Variants in SLC3A2 observed in about 807,000 individuals in gnomAD.
SLC3A2 encodes amino acid transporter heavy chain SLC3A2.
In SLC3A2, 32 loss-of-function variants were observed where a neutral mutation model predicts 48.5. That is an observed-to-expected ratio of 0.66 (90% CI 0.50 to 0.89). SLC3A2 has a LOEUF of 0.89. Among genes scored for constraint, SLC3A2 ranks in the 40% least tolerant of loss-of-function variants. The pLI, the probability that SLC3A2 is intolerant of heterozygous loss-of-function variation, is 0.00. For missense variants in SLC3A2, 587 were observed against 680.7 expected (o/e 0.86, Z 1.53); for synonymous variants, 277 against 288.8 (o/e 0.96, Z 0.41).
chr11:62,878,198 C>T (rs1185764399), upstream of SLC3A2, among the ~76,000 whole-genome samples: 2 of 151,918 alleles, frequency 1.3e-5, no homozygotes, highest in Non-Finnish European at 2.9e-5. Flanking sequence ...TTGACTTCAG[C>T]CATTTGGAGC....
upstream of SLC3A2, chr11:62,880,617 A>G (rs963666895): frequency 9.4e-5 from 16 of 170,382 alleles, no homozygotes; most frequent in Non-Finnish European, 6.3e-5. Flanking sequence ...CCTAAAGGAC[A>G]CTGGAGGGGC....
At chr11:62,874,997 A>G (rs2085556584) in intron 1 of SLC3A2, among the ~76,000 whole-genome samples, 1 of 152,142 alleles carries the variant, frequency 6.6e-6, no homozygotes, top group Non-Finnish European at 1.5e-5. Context: ...TCCTGACTTC[A>G]AATGATCTGC....
chr11:62,880,830 A>T (rs1279310823), upstream of SLC3A2: 1 of 1,259,308 alleles, frequency 7.9e-7, no homozygotes, highest in Non-Finnish European at 1.1e-6. Flanking sequence ...CCGAGGTTCC[A>T]CCTTAAGGGG....
chr11:62,866,357 A>G (rs767600545), intron 1 of SLC3A2, among the ~76,000 whole-genome samples: 1 of 151,444 alleles, frequency 6.6e-6, no homozygotes, highest in Non-Finnish European at 1.5e-5. Context: ...ACCTCAGGTG[A>G]TCCATCCTGA....
intron 1 of SLC3A2, among the ~76,000 whole-genome samples, chr11:62,861,561 C>A (rs1429771071): frequency 1.3e-5 from 2 of 152,188 alleles, no homozygotes; most frequent in Non-Finnish European, 1.5e-5. Context: ...GGCTTCCTGG[C>A]TCTGGCTTCT....
intron 3 of SLC3A2, chr11:62,884,229 G>A (rs1319395577): frequency 3.3e-6 from 2 of 604,184 alleles, no homozygotes; most frequent in Non-Finnish European, 5.9e-6. Context: ...CCAGAGGCAA[G>A]AATGAGAAGT....
In SLC3A2 at chr11:62,857,270, C is replaced by T. The variant is rs528523183; in HGVS notation, c.112+889C>T. ...CTGAGTAGCTGGGATTACAGGCTCC[C>T]GCCATCATCATGCCACACTAATTTT... On this transcript the variant is annotated intron_variant, in intron 1 of 9. Transcript: ENST00000377889. Among the ~76,000 whole-genome samples, 8 of 152,268 alleles carry T rather than the reference C, an allele frequency of 5.3e-5. No individual in the cohort carries two copies. In the South Asian group the frequency reaches 6.2e-4, roughly 12 times the overall value.
chr11:62,859,414 C>G (rs1162245690), intron 1 of SLC3A2, among the ~76,000 whole-genome samples: 1 of 152,146 alleles, frequency 6.6e-6, no homozygotes, highest in East Asian at 1.9e-4. Flanking sequence ...AATGGAGTCT[C>G]CCATGTCTAT....
chr11:62,882,306 A>G, intron 2 of SLC3A2: 1 of 499,740 alleles, frequency 2.0e-6, no homozygotes, highest in Admixed American at 3.4e-5. Context: ...CTTATTTGCA[A>G]AATATAGATA....
chr11:62,870,838 G>GTAATAA (rs57671523), intron 1 of SLC3A2: 1,890 of 173,140 alleles, frequency 0.011, 75 homozygotes, highest in Middle Eastern at 0.015. Flanking sequence ...GAGATGATAG[G>GTAATAA]TAATAATAAT....
intron 1 of SLC3A2, among the ~76,000 whole-genome samples, chr11:62,867,928 A>T (rs905626321): frequency 2.3e-4 from 34 of 147,398 alleles, no homozygotes; most frequent in African/African-American, 4.9e-4. Flanking sequence ...TTCAAAAAAA[A>T]TTTTTTTTTT....
intron 1 of SLC3A2, among the ~76,000 whole-genome samples, chr11:62,871,342 A>G (rs988626263): frequency 1.4e-5 from 2 of 145,298 alleles, no homozygotes; most frequent in Non-Finnish European, 3.0e-5. Flanking sequence ...AGGTTCAAGC[A>G]ATTCTCCTGC....
In SLC3A2 at chr11:62,882,537, T is replaced by C. The variant is rs1341886554; in HGVS notation, c.599-371T>C. 1.5e-5 allele frequency: 4 copies of C among 268,390 alleles called. No individual in the cohort carries two copies. The East Asian group carries it at 3.7e-4, about 25-fold the overall frequency. The allele number at this position is 268,390 out of a possible 1,614,324, so 16.6% of individuals were successfully genotyped here. ...CTCACTCTTGTCACCCAGGCTGCAG[T>C]GCAGTGGAACGATCTCAGCTTACTG... On this transcript the variant is annotated intron_variant, in intron 2 of 8. Coordinates refer to ENST00000338663, the MANE Select transcript of SLC3A2 (RefSeq NM_001013251.3).
chr11:62,884,467 A>G lies in SLC3A2; in HGVS notation c.701A>G (p.Glu234Gly), dbSNP rs1362863590. The change falls in exon 4 of 9, where the codon GAG becomes GGG. Residue 234 changes from glutamate to glycine, a missense_variant. Around this residue, in one of 3 missense-constraint regions of SLC3A2, gnomAD observed 409 missense variants for 446.7 expected, o/e 0.92. Transcript: ENST00000338663. Reference sequence around the variant, plus strand: ...TTCTGCCCCCTATAGGATGCTCTGGAGTTTTGGCTGCAAGCTGGCGTGGAT... The same window carrying G: ...TTCTGCCCCCTATAGGATGCTCTGGGGTTTTGGCTGCAAGCTGGCGTGGAT... ...TVATKVKDAL[E>G]FWLQAGVDGF... 2 of 1,614,088 alleles carry G rather than the reference A, an allele frequency of 1.2e-6. No individual in the cohort carries two copies. The highest frequency in any genetic ancestry group is 8.5e-7 in the Non-Finnish European group (1 of 1,180,020).
chr11:62,858,312 C>T (rs1332121142), intron 1 of SLC3A2, among the ~76,000 whole-genome samples: 1 of 152,178 alleles, frequency 6.6e-6, no homozygotes, highest in Non-Finnish European at 1.5e-5. Context: ...TTTCACAGCT[C>T]CAGCTGATTG....
At chr11:62,882,801 G>C (rs2085659504) in intron 2 of SLC3A2, 107 bp from the exon 3 acceptor site, 4 of 957,834 alleles carry the variant, frequency 4.2e-6, no homozygotes, top group Non-Finnish European at 6.7e-6. Context: ...TCAAGCTTTT[G>C]TACCAAGTAA....
chr11:62,882,233 T>G (rs1404729054), intron 2 of SLC3A2, 167 bp downstream of exon 2: 1 of 766,348 alleles, frequency 1.3e-6, no homozygotes, highest in African/African-American at 1.8e-5. Flanking sequence ...TCCAGTCGTC[T>G]GGGGGCTTTC....
At chr11:62,860,778 G>C (rs2085390870) in intron 1 of SLC3A2, among the ~76,000 whole-genome samples, 1 of 152,190 alleles carries the variant, frequency 6.6e-6, no homozygotes, top group African/African-American at 2.4e-5. Context: ...AGAGGTCCCT[G>C]CGGCCTTCCG....
intron 1 of SLC3A2, among the ~76,000 whole-genome samples, chr11:62,875,496 A>G (rs949064398): frequency 1.3e-5 from 2 of 152,130 alleles, no homozygotes; most frequent in African/African-American, 4.8e-5. Flanking sequence ...AGATCGCACC[A>G]CTGTACTCCA....
Sources: allele counts gnomAD v4.1 joint callset (sites outside exome capture counted in the v4.1 genomes callset), GRCh38; gene constraint gnomAD v4.1.1; regional missense constraint gnomAD v4.1.1; transcripts MANE v1.5; gene names NCBI Gene and HGNC (gene_info 2026-07-23, HGNC 2026-07-21).